Variants in SH3BGRL2 observed in about 807,000 individuals in gnomAD.
SH3BGRL2 encodes the protein SH3 domain binding glutamate rich protein like 2, also known as SH3 domain-binding glutamic acid-rich-like protein 2.
In SH3BGRL2, 21 loss-of-function variants were observed where a neutral mutation model predicts 14.8. The ratio of observed to expected loss-of-function variants is 1.42; its 90% CI spans 1.01 to 2.05. SH3BGRL2 has a LOEUF of 2.05. SH3BGRL2 is among the 30% of genes most tolerant of loss of function. SH3BGRL2 has a pLI of 0.00. For synonymous variants in SH3BGRL2, 50 were observed against 47.8 expected (o/e 1.05, Z -0.19); for missense variants, 147 against 130.8 (o/e 1.12, Z -0.61).
chr6:79,686,122 C>A (rs747483029), intron 2 of SH3BGRL2, among the ~76,000 whole-genome samples: 35 of 152,176 alleles, frequency 2.3e-4, no homozygotes, highest in Non-Finnish European at 5.0e-4. Context: ...GACTTCATGT[C>A]TGCTAGATTA....
At chr6:79,653,998 A>C (rs1464170166) in intron 1 of SH3BGRL2, among the ~76,000 whole-genome samples, 2 of 152,224 alleles carry the variant, frequency 1.3e-5, no homozygotes, top group Non-Finnish European at 2.9e-5. Context: ...ATGGAGAAGT[A>C]AACTCCATCT....
At chr6:79,549,518 A>C in the SH3BGRL2 span, among the ~76,000 whole-genome samples, 1 of 152,236 alleles carries the variant, frequency 6.6e-6, no homozygotes, top group Non-Finnish European at 1.5e-5. Context: ...ATGTTTAGAT[A>C]CACAAATGCT....
chr6:79,665,728 C>T (rs943407507), intron 1 of SH3BGRL2, among the ~76,000 whole-genome samples: 14 of 152,166 alleles, frequency 9.2e-5, no homozygotes, highest in African/African-American at 2.9e-4. Context: ...AGATGGAAAA[C>T]CACAGCATTT....
the SH3BGRL2 span, among the ~76,000 whole-genome samples, chr6:79,602,051 C>T: frequency 5.9e-5 from 9 of 152,034 alleles, no homozygotes; most frequent in African/African-American, 9.7e-5. Context: ...ACCAACACTT[C>T]GAATTTAAAA....
the SH3BGRL2 span, among the ~76,000 whole-genome samples, chr6:79,583,989 T>C: frequency 2.0e-5 from 3 of 152,284 alleles, no homozygotes; most frequent in Admixed American, 6.5e-5. Flanking sequence ...TGACTTTGGT[T>C]TCAGAGATAC....
In SH3BGRL2 at chr6:79,696,533, T is replaced by C. The variant is rs749411646; in HGVS notation, c.280T>C (p.Phe94Leu). Residue 94 changes from phenylalanine to leucine, a missense_variant, in exon 3 of 4, where the codon TTT becomes CTT. By Grantham distance (22) the Phe-to-Leu change is conservative. Coordinates refer to ENST00000369838, the MANE Select transcript of SH3BGRL2 (RefSeq NM_031469.4). ...CAAGGAAAGCAACACAGTCTTTTCA[T>C]TTTTAGGCCTGAAACCACGGTTGGC... Reference protein sequence around the residue: ...ESKESNTVFSFLGLKPRLASK... With the variant: ...ESKESNTVFSLLGLKPRLASK... The C allele has an allele frequency of 2.5e-6, 4 of 1,574,552 alleles. No homozygotes were observed. The highest frequency in any genetic ancestry group is 3.4e-6 in the Non-Finnish European group (4 of 1,168,942).
intron 1 of SH3BGRL2, among the ~76,000 whole-genome samples, chr6:79,664,101 T>A (rs1374680293): frequency 6.6e-6 from 1 of 152,134 alleles, no homozygotes; most frequent in Non-Finnish European, 1.5e-5. Flanking sequence ...GAAAGGGAAA[T>A]CCCCCAACCC....
chr6:79,655,411 G>GT (rs5877668), intron 1 of SH3BGRL2, among the ~76,000 whole-genome samples: 64 of 149,956 alleles, frequency 4.3e-4, no homozygotes, highest in East Asian at 2.8e-3. Context: ...TGCAAATTCA[G>GT]TTTTTTTTTT....
intron 1 of SH3BGRL2, among the ~76,000 whole-genome samples, chr6:79,640,844 A>G (rs1769018380): frequency 6.6e-6 from 1 of 152,176 alleles, no homozygotes; most frequent in African/African-American, 2.4e-5. Context: ...ACTTTTTGTC[A>G]TCTTCAGTCT....
chr6:79,627,161 A>G (rs534848185), upstream of SH3BGRL2, among the ~76,000 whole-genome samples: 5 of 152,136 alleles, frequency 3.3e-5, no homozygotes, highest in East Asian at 5.8e-4. Flanking sequence ...TCTCATCCCA[A>G]TCCTATCCCA....
At chr6:79,660,971 G>T (rs538812466) in intron 1 of SH3BGRL2, among the ~76,000 whole-genome samples, 1 of 152,182 alleles carries the variant, frequency 6.6e-6, no homozygotes, top group East Asian at 1.9e-4. Context: ...TATTTCTGTG[G>T]GATCAGTGGT....
At chr6:79,672,068 C>T (rs996462637) in intron 1 of SH3BGRL2, among the ~76,000 whole-genome samples, 5 of 152,094 alleles carry the variant, frequency 3.3e-5, no homozygotes, top group African/African-American at 9.7e-5. Flanking sequence ...AGTGACTCAA[C>T]AAAATGCTTT....
rs560639109 is a variant in SH3BGRL2 at position 79,694,961 on chromosome 6, C to A, written c.232-1524C>A. On this transcript the variant is annotated intron_variant, in intron 2 of 3. Coordinates refer to ENST00000369838, the MANE Select transcript of SH3BGRL2 (RefSeq NM_031469.4). Reference sequence around the variant, plus strand: ...GGTATTTTCTTAAAAGAAACTAGATCATTTTGCTCCCTTGCTCAAAACCCT... The same window carrying A: ...GGTATTTTCTTAAAAGAAACTAGATAATTTTGCTCCCTTGCTCAAAACCCT... 1.2e-4 allele frequency among the ~76,000 whole-genome samples: 18 copies of A among 152,244 alleles called. No homozygotes were observed. The South Asian group carries it at 3.3e-3, about 28-fold the overall frequency.
the SH3BGRL2 span, among the ~76,000 whole-genome samples, chr6:79,560,528 G>A: frequency 2.0e-5 from 3 of 152,032 alleles, no homozygotes; most frequent in African/African-American, 7.3e-5. Context: ...CTACAGACTG[G>A]GCAATATAGC....
In SH3BGRL2 at chr6:79,658,307, G is replaced by A. The variant is rs191777366; in HGVS notation, c.46-15307G>A. Among the ~76,000 whole-genome samples, 183 of 152,118 alleles carry A rather than the reference G, an allele frequency of 1.2e-3. 2 individuals are homozygous for A. The highest frequency in any genetic ancestry group is 2.2e-4 in the Non-Finnish European group (15 of 68,000). On this transcript the variant is annotated intron_variant, in intron 1 of 3. Transcript: ENST00000369838. ...TCCCTCACCCAGGCCCCCACCACCC[G>A]ACAGGCCCCAGTGTGTAATGTTCCC... is the stretch of plus-strand genomic sequence containing the variant.
chr6:79,631,642 T>A, intron 1 of SH3BGRL2, 136 bp downstream of exon 1: 20 of 316,710 alleles, frequency 6.3e-5, no homozygotes, highest in East Asian at 8.6e-5. Flanking sequence ...AGGTGATCCA[T>A]CACACTCCGA....
intron 1 of SH3BGRL2, among the ~76,000 whole-genome samples, chr6:79,659,491 G>A (rs1317153386): frequency 1.3e-5 from 2 of 152,064 alleles, no homozygotes; most frequent in African/African-American, 2.4e-5. Flanking sequence ...TGTTCCATTG[G>A]TCTATATCTC....
At chr6:79,542,421 C>T in the SH3BGRL2 span, among the ~76,000 whole-genome samples, 1 of 152,020 alleles carries the variant, frequency 6.6e-6, no homozygotes, top group Non-Finnish European at 1.5e-5. Context: ...AGGCATGCAC[C>T]ACCACACCCA....
chr6:79,633,133 T>C (rs1362225199), intron 1 of SH3BGRL2, among the ~76,000 whole-genome samples: 1 of 152,224 alleles, frequency 6.6e-6, no homozygotes, highest in African/African-American at 2.4e-5. Context: ...GCCTGCCTGC[T>C]GTGTGCCTTT....
Sources: gnomAD v4.1 joint callset for allele counts (sites outside exome capture counted in the v4.1 genomes callset) on GRCh38, gnomAD v4.1.1 for gene constraint, MANE v1.5 for transcripts, NCBI Gene and HGNC (gene_info 2026-07-23, HGNC 2026-07-21) for gene names.